PDSS2: variants seen among roughly 807,000 people sequenced by gnomAD.
The protein encoded by PDSS2 is all trans-polyprenyl-diphosphate synthase PDSS2.
In PDSS2, 31 loss-of-function variants were observed where a neutral mutation model predicts 44.5. That is an observed-to-expected ratio of 0.70 (90% confidence interval 0.52 to 0.94). PDSS2 has a LOEUF of 0.94. Among genes scored for constraint, PDSS2 ranks in the 40% least tolerant of loss-of-function variants. The pLI is 0.00. For synonymous variants in PDSS2, 157 were observed against 180.3 expected, an observed-to-expected ratio of 0.87 and a Z score of 1.03; for missense variants, 452 against 482.2, an observed-to-expected ratio of 0.94 and a Z score of 0.59.
chr6:107,435,948 C>T (rs942481656), intron 1 of PDSS2, among the ~76,000 whole-genome samples: 16 of 82,878 alleles, frequency 1.9e-4, no homozygotes, highest in African/African-American at 5.9e-4. Context: ...ACAAAAATTG[C>T]GAAAAAAAAA....
chr6:107,253,173 T>A (rs1475953842), intron 3 of PDSS2, among the ~76,000 whole-genome samples: 3 of 152,162 alleles, frequency 2.0e-5, no homozygotes, highest in African/African-American at 7.2e-5. Context: ...GTAGCTGGGA[T>A]TACAGGCGTG....
At chr6:107,221,464 CG>C (rs1395254751) in intron 4 of PDSS2, among the ~76,000 whole-genome samples, 1 of 81,196 alleles carries the variant, frequency 1.2e-5, no homozygotes, top group Admixed American at 1.3e-4. Flanking sequence ...TTACTTTTGA[CG>C]GGATTTCCTT....
chr6:107,264,520 GA>G (rs747985112), intron 3 of PDSS2: 202 of 1,443,502 alleles, frequency 1.4e-4, no homozygotes, highest in Non-Finnish European at 1.7e-4. Flanking sequence ...TGACTACAAA[GA>G]AAAAAAAATA....
intron 1 of PDSS2, among the ~76,000 whole-genome samples, chr6:107,371,551 C>T (rs1779129023): frequency 6.6e-6 from 1 of 152,094 alleles, no homozygotes. Flanking sequence ...GATTGTAGTT[C>T]ATTTTTCAAA....
At chr6:107,280,109 G>A (rs1267825835) in intron 2 of PDSS2, among the ~76,000 whole-genome samples, 1 of 152,066 alleles carries the variant, frequency 6.6e-6, no homozygotes, top group African/African-American at 2.4e-5. Flanking sequence ...ACCCAGGCTG[G>A]AGTGCAGTAA....
intron 1 of PDSS2, among the ~76,000 whole-genome samples, chr6:107,347,613 CT>C (rs1281785510): frequency 6.6e-6 from 1 of 152,130 alleles, no homozygotes; most frequent in Admixed American, 6.5e-5. Context: ...TTTCTTCGTT[CT>C]TTTCTGAACA....
intron 7 of PDSS2, among the ~76,000 whole-genome samples, chr6:107,158,287 G>A (rs1770985233): frequency 1.3e-5 from 2 of 151,064 alleles, no homozygotes; most frequent in Admixed American, 1.3e-4. Flanking sequence ...TCGGGTTCAA[G>A]CATTTCTCTG....
chr6:107,223,126 C>G (rs939012336), intron 4 of PDSS2, among the ~76,000 whole-genome samples: 25 of 149,034 alleles, frequency 1.7e-4, no homozygotes, highest in African/African-American at 6.5e-4. Context: ...TTTTTTGTAT[C>G]TTTAGCAGAG....
chr6:107,445,972 C>T (rs748896984), intron 1 of PDSS2, among the ~76,000 whole-genome samples: 1 of 152,128 alleles, frequency 6.6e-6, no homozygotes, highest in Non-Finnish European at 1.5e-5. Context: ...CTCGTGCATG[C>T]TCTCTCTCTT....
At chr6:107,456,072 C>T (rs530459864) in intron 1 of PDSS2, among the ~76,000 whole-genome samples, 8 of 152,158 alleles carry the variant, frequency 5.3e-5, no homozygotes, top group South Asian at 2.1e-4. Context: ...CCTATAATCC[C>T]GGCACTTTGG....
chr6:107,237,321 G>T (rs546700663), intron 4 of PDSS2, among the ~76,000 whole-genome samples: 1 of 151,914 alleles, frequency 6.6e-6, no homozygotes, highest in South Asian at 2.1e-4. Context: ...TTGGCTCAGT[G>T]CAACCTCCAT....
intron 1 of PDSS2, among the ~76,000 whole-genome samples, chr6:107,387,771 G>T (rs895914192): frequency 6.6e-6 from 1 of 152,190 alleles, no homozygotes; most frequent in African/African-American, 2.4e-5. Flanking sequence ...AACTGTATTA[G>T]AAGTTGCAAT....
chr6:107,246,253 C>T (rs1582840735), intron 3 of PDSS2, among the ~76,000 whole-genome samples: 1 of 151,538 alleles, frequency 6.6e-6, no homozygotes, highest in Middle Eastern at 3.4e-3. Context: ...AGATCAAAAG[C>T]TTTGAACTTG....
At chr6:107,275,149 T>C (rs977495022) in intron 2 of PDSS2, among the ~76,000 whole-genome samples, 7 of 152,218 alleles carry the variant, frequency 4.6e-5, no homozygotes, top group African/African-American at 1.7e-4. Flanking sequence ...CTATATTTAT[T>C]ACACGGGAAT....
intron 4 of PDSS2, among the ~76,000 whole-genome samples, chr6:107,223,056 C>A (rs1445269708): frequency 6.6e-6 from 1 of 151,360 alleles, no homozygotes; most frequent in Admixed American, 6.6e-5. Context: ...TCAAGTGATT[C>A]TCCTGCCTCA....
At chr6:107,238,932 C>G (rs1478309793) in intron 4 of PDSS2, among the ~76,000 whole-genome samples, 1 of 151,878 alleles carries the variant, frequency 6.6e-6, no homozygotes, top group Non-Finnish European at 1.5e-5. Flanking sequence ...TGAAATTGAG[C>G]AAAGTTATAT....
At chr6:107,241,461 C>T (rs1223964849) in intron 4 of PDSS2, among the ~76,000 whole-genome samples, 10 of 150,470 alleles carry the variant, frequency 6.6e-5, no homozygotes, top group Admixed American at 6.6e-4. Flanking sequence ...ATTCTTCTGC[C>T]TCAGCCTCCC....
intron 1 of PDSS2, among the ~76,000 whole-genome samples, chr6:107,410,485 T>A (rs563949935): frequency 6.6e-6 from 1 of 152,032 alleles, no homozygotes; most frequent in Non-Finnish European, 1.5e-5. Flanking sequence ...TTTTTGTTTG[T>A]TTGTTTGTTT....
chr6:107,278,980 G>A (rs904832910), intron 2 of PDSS2, among the ~76,000 whole-genome samples: 1 of 152,136 alleles, frequency 6.6e-6, no homozygotes, highest in African/African-American at 2.4e-5. Flanking sequence ...AGCACTTTGG[G>A]AGGCTGAGGC....
Sources: gnomAD v4.1 joint callset for allele counts (sites outside exome capture counted in the v4.1 genomes callset) on GRCh38, gnomAD v4.1.1 for gene constraint, MANE v1.5 for transcripts, NCBI Gene and HGNC (gene_info 2026-07-23, HGNC 2026-07-21) for gene names.